Variants in CERKL observed in about 807,000 individuals in gnomAD.
CERKL encodes ceramide kinase-like protein.
A neutral mutation model predicts 63.4 loss-of-function variants in CERKL; 61 were observed. The observed-to-expected ratio is 0.96, with a 90% CI of 0.78 to 1.19. The LOEUF is 1.19. Ranked by LOEUF, CERKL falls within the 50% of genes most tolerant of loss-of-function variation. The pLI, the probability that CERKL is intolerant of heterozygous loss-of-function variation, is 0.00. For missense variants in CERKL, 675 were observed against 655.5 expected, an observed-to-expected ratio of 1.03 and a Z score of -0.33; for synonymous variants, 250 against 230.5, an observed-to-expected ratio of 1.08 and a Z score of -0.77.
chr2:181,582,516 C>CATATATATATAT (rs59483712), intron 2 of CERKL, among the ~76,000 whole-genome samples: 8 of 142,894 alleles, frequency 5.6e-5, no homozygotes, highest in African/African-American at 2.1e-4. Flanking sequence ...ATATTGTCAA[C>CATATATATATAT]ATATATATAT....
chr2:181,583,940 T>C (rs867622826), intron 2 of CERKL, among the ~76,000 whole-genome samples: 5 of 152,224 alleles, frequency 3.3e-5, no homozygotes, highest in African/African-American at 1.2e-4. Flanking sequence ...TTATCATTCA[T>C]TGATTTGGCA....
intron 1 of CERKL, 39 bp downstream of exon 1, chr2:181,656,730 C>G: frequency 6.6e-7 from 1 of 1,505,806 alleles, no homozygotes; most frequent in Non-Finnish European, 9.0e-7. Context: ...AGGGAGGAAG[C>G]GCGGAGGGAG....
chr2:181,592,712 G>A (rs1367382568), intron 2 of CERKL, among the ~76,000 whole-genome samples: 2 of 152,192 alleles, frequency 1.3e-5, no homozygotes, highest in Admixed American at 6.5e-5. Flanking sequence ...CAGACTGCCT[G>A]AGTTTGAATC....
intron 2 of CERKL, among the ~76,000 whole-genome samples, chr2:181,578,254 GT>G (rs1244408639): frequency 6.3e-4 from 81 of 128,428 alleles, no homozygotes; most frequent in African/African-American, 1.4e-3. Flanking sequence ...ATATATATGT[GT>G]GTGGGGGGGT....
At chr2:181,562,621 G>C (rs2105827131) in intron 4 of CERKL, among the ~76,000 whole-genome samples, 1 of 152,226 alleles carries the variant, frequency 6.6e-6, no homozygotes, top group South Asian at 2.1e-4. Context: ...CTTTGCATGT[G>C]ACAAATCTTG....
intron 2 of CERKL, among the ~76,000 whole-genome samples, chr2:181,594,992 C>G (rs1685139714): frequency 6.6e-6 from 1 of 152,042 alleles, no homozygotes; most frequent in African/African-American, 2.4e-5. Context: ...TATGTATTTC[C>G]TATTTATTCA....
chr2:181,597,076 G>A (rs1190086661), intron 2 of CERKL, among the ~76,000 whole-genome samples: 2 of 151,962 alleles, frequency 1.3e-5, no homozygotes, highest in Non-Finnish European at 2.9e-5. Flanking sequence ...ATGATAGTTT[G>A]TTATGTCTGC....
chr2:181,552,195 G>A (rs1244262600), intron 5 of CERKL, among the ~76,000 whole-genome samples: 1 of 152,082 alleles, frequency 6.6e-6, no homozygotes, highest in Non-Finnish European at 1.5e-5. Flanking sequence ...AAAATTTCAG[G>A]TAAAAGGAAT....
At chr2:181,538,268 A>G (rs770992513) in intron 12 of CERKL, 24 bp from the exon 13 acceptor site, 8 of 1,450,244 alleles carry the variant, frequency 5.5e-6, no homozygotes, top group South Asian at 4.6e-5. Flanking sequence ...ACATTATTTC[A>G]TCAACTTATT....
Position 181,559,771 on chromosome 2 carries a change from G to C in CERKL, c.678-1063C>G, listed in dbSNP as rs142311323. ...TTCTCTAAGTTTAGGAAGCTCTGGA[G>C]GGTGGTGACCAAAGGCTGAAAGTGT... On this transcript the variant is annotated intron_variant, in intron 4 of 12. Coordinates refer to ENST00000410087, the MANE Select transcript of CERKL (RefSeq NM_201548.5). Among the ~76,000 whole-genome samples, 3 of 152,286 alleles carry C rather than the reference G, an allele frequency of 2.0e-5. No individual in the cohort carries two copies. In the South Asian group the frequency reaches 6.2e-4, roughly 32 times the overall value.
chr2:181,547,094 C>T (rs1687759899), intron 10 of CERKL, among the ~76,000 whole-genome samples: 1 of 152,178 alleles, frequency 6.6e-6, no homozygotes, highest in South Asian at 2.1e-4. Flanking sequence ...ATGTGACTTT[C>T]ATCTTCCACC....
At chr2:181,625,715 G>A (rs1449103301) in intron 1 of CERKL, among the ~76,000 whole-genome samples, 1 of 152,138 alleles carries the variant, frequency 6.6e-6, no homozygotes, top group Non-Finnish European at 1.5e-5. Context: ...TTTCACTTTT[G>A]AGCCTGACGG....
chr2:181,593,288 C>T (rs989819105), intron 2 of CERKL, among the ~76,000 whole-genome samples: 2 of 152,100 alleles, frequency 1.3e-5, no homozygotes, highest in South Asian at 2.1e-4. Context: ...ATAGAGGACC[C>T]ATCCATGCTA....
chr2:181,594,268 G>C (rs60759008), intron 2 of CERKL, among the ~76,000 whole-genome samples: 1 of 152,312 alleles, frequency 6.6e-6, no homozygotes, highest in East Asian at 1.9e-4. Flanking sequence ...TACAGTAGAA[G>C]TATCCCCTTT....
chr2:181,599,732 G>A (rs954549925), intron 2 of CERKL, among the ~76,000 whole-genome samples: 6 of 152,104 alleles, frequency 3.9e-5, no homozygotes, highest in South Asian at 4.1e-4. Flanking sequence ...ATGACTTACT[G>A]GCATTCTTGA....
chr2:181,602,313 C>T (rs892073313), intron 2 of CERKL, among the ~76,000 whole-genome samples: 1 of 152,162 alleles, frequency 6.6e-6, no homozygotes, highest in African/African-American at 2.4e-5. Flanking sequence ...ATTTTATAGA[C>T]AAGACCATGC....
At chr2:181,591,320 G>A (rs1194856708) in intron 2 of CERKL, among the ~76,000 whole-genome samples, 1 of 151,774 alleles carries the variant, frequency 6.6e-6, no homozygotes, top group Non-Finnish European at 1.5e-5. Context: ...AGGAAGGAGT[G>A]TTTTCTTCTT....
At position 181,542,630 on chromosome 2, in the gene CERKL, C is replaced by CA. The variant is rs34005238; in HGVS notation, c.1365+2069dup. On this transcript the variant is annotated intron_variant, in intron 11 of 12. Transcript: ENST00000410087. ...ATGCAAAATATTTTAGAATTCTTTGCAAAAAAAAAAAAAATAGCATGGATT... is the reference window on the plus strand; with the variant it reads ...ATGCAAAATATTTTAGAATTCTTTGCAAAAAAAAAAAAAAATAGCATGGATT... Among the ~76,000 whole-genome samples the CA allele has an allele frequency of 9.0e-3, 1,237 of 137,076 alleles. 5 individuals carry two copies. The highest frequency in any genetic ancestry group is 0.013 in the Non-Finnish European group (821 of 62,108). 89.9% of individuals were successfully genotyped at this position (137,076 alleles called of 152,430 possible).
chr2:181,644,519 T>C (rs891364885), intron 1 of CERKL, among the ~76,000 whole-genome samples: 16 of 152,268 alleles, frequency 1.1e-4, no homozygotes, highest in Non-Finnish European at 1.2e-4. Flanking sequence ...GTTTATATTA[T>C]AATGGCAGCA....
Sources: allele counts gnomAD v4.1 joint callset (sites outside exome capture counted in the v4.1 genomes callset), GRCh38; gene constraint gnomAD v4.1.1; transcripts MANE v1.5; gene names NCBI Gene and HGNC (gene_info 2026-07-23, HGNC 2026-07-21).